NECAB2: variants seen among roughly 807,000 people sequenced by gnomAD.
NECAB2 encodes N-terminal EF-hand calcium binding protein 2, also known as N-terminal EF-hand calcium-binding protein 2.
NECAB2 carries 68 observed loss-of-function variants against 51.9 expected under a neutral mutation model. The observed-to-expected ratio is 1.31, with a 90% CI of 1.08 to 1.60. The LOEUF (loss-of-function observed/expected upper bound fraction) is 1.60, where lower values mean the gene tolerates loss of function less well. Among genes scored for constraint, NECAB2 ranks in the 40% most tolerant of loss-of-function variants. NECAB2 has a pLI of 0.00. For missense variants in NECAB2, 854 were observed against 490.3 expected, an observed-to-expected ratio of 1.74 and a Z score of -7.00; for synonymous variants, 329 against 203.5, an observed-to-expected ratio of 1.62 and a Z score of -5.25.
chr16:83,987,514 C>T (rs1015173256), intron 5 of NECAB2, among the ~76,000 whole-genome samples: 3 of 152,104 alleles, frequency 2.0e-5, no homozygotes, highest in African/African-American at 7.2e-5. Context: ...TCCCACTATC[C>T]CTAACCACTG....
At chr16:83,994,897 C>T (rs1014707011) in intron 8 of NECAB2, among the ~76,000 whole-genome samples, 6 of 152,106 alleles carry the variant, frequency 3.9e-5, no homozygotes, top group South Asian at 4.1e-4. Context: ...CAAGGAGGGG[C>T]GCCTGGGAAG....
rs912847744 is a variant in NECAB2, at chr16:83,985,636, A to G, written c.459+4509A>G. Among the ~76,000 whole-genome samples, 5 of 140,382 alleles carry G rather than the reference A, an allele frequency of 3.6e-5. No homozygotes were observed. In the South Asian group the frequency reaches 6.6e-4, roughly 19 times the overall value. 92.1% of individuals were successfully genotyped at this position (140,382 alleles called of 152,430 possible). ...CAACAAGAGTGAGTCTCCATCTCAG[A>G]AAAAAAAAAAAAAATTACTGTTGGC... is the stretch of plus-strand genomic sequence containing the variant. On this transcript the variant is annotated intron_variant, in intron 5 of 12. Coordinates refer to ENST00000305202, the MANE Select transcript of NECAB2 (RefSeq NM_019065.3).
At chr16:84,001,693 G>T (rs1344234869) in intron 11 of NECAB2, 132 bp from the exon 12 acceptor site, 15 of 897,246 alleles carry the variant, frequency 1.7e-5, no homozygotes, top group Admixed American at 2.2e-5. Flanking sequence ...TCCCACAAAG[G>T]CTCTGAGTCC....
chr16:83,973,048 A>G (rs1296794066), intron 2 of NECAB2, among the ~76,000 whole-genome samples: 1 of 152,206 alleles, frequency 6.6e-6, no homozygotes, highest in Non-Finnish European at 1.5e-5. Context: ...TTTTGGGGAA[A>G]AGCCAGAGAG....
At chr16:83,974,466 A>G (rs1416101879) in intron 2 of NECAB2, among the ~76,000 whole-genome samples, 1 of 152,138 alleles carries the variant, frequency 6.6e-6, no homozygotes, top group East Asian at 1.9e-4. Context: ...GCTTGTCCAG[A>G]GGGGTTTGAT....
rs2084861008 is a variant in NECAB2, at chr16:84,002,617, T to C, written c.*271T>C. 2 of 566,978 alleles carry C rather than the reference T, an allele frequency of 3.5e-6. No homozygotes were observed. The highest frequency in any genetic ancestry group is 6.3e-6 in the Non-Finnish European group (2 of 317,414). 35.1% of individuals were successfully genotyped at this position (566,978 alleles called of 1,614,324 possible). On this transcript the variant is annotated 3_prime_UTR_variant, in exon 13 of 13. Transcript: ENST00000305202. ...ACCCCTGCCTCCTGGTCCTGGCCTCTCCCCTACCCCTCACATGGCCACGCA... is the reference window on the plus strand; with the variant it reads ...ACCCCTGCCTCCTGGTCCTGGCCTCCCCCCTACCCCTCACATGGCCACGCA...
At chr16:83,999,917 A>ACAAATC (rs1567680431) in intron 10 of NECAB2, among the ~76,000 whole-genome samples, 3 of 152,224 alleles carry the variant, frequency 2.0e-5, no homozygotes, top group African/African-American at 7.2e-5. Flanking sequence ...ATCTTGCTTT[A>ACAAATC]TTGTCCAGGC....
chr16:83,978,626 C>A (rs189401085), intron 3 of NECAB2, 74 bp downstream of exon 3: 10 of 1,286,102 alleles, frequency 7.8e-6, no homozygotes, highest in East Asian at 7.0e-5. Context: ...ATCTAGTGTC[C>A]GTTCCTAGTC....
chr16:83,968,188 C>A (rs1026039099), upstream of NECAB2, among the ~76,000 whole-genome samples: 2 of 151,354 alleles, frequency 1.3e-5, no homozygotes, highest in African/African-American at 4.8e-5. Flanking sequence ...GCGCCGCTCC[C>A]CGGGGCTGGA....
intron 11 of NECAB2, among the ~76,000 whole-genome samples, chr16:84,001,167 C>A (rs866213763): frequency 6.6e-6 from 1 of 152,098 alleles, no homozygotes; most frequent in Non-Finnish European, 1.5e-5. Context: ...ATCAATTGTT[C>A]CAGCGACTAA....
chr16:83,983,765 G>A (rs948889666), intron 5 of NECAB2, among the ~76,000 whole-genome samples: 16 of 152,096 alleles, frequency 1.1e-4, no homozygotes, highest in African/African-American at 3.4e-4. Flanking sequence ...AGTGGAGATC[G>A]GATGATAGCT....
At chr16:83,985,070 T>C (rs918216564) in intron 5 of NECAB2, among the ~76,000 whole-genome samples, 2 of 152,104 alleles carry the variant, frequency 1.3e-5, no homozygotes, top group Non-Finnish European at 2.9e-5. Flanking sequence ...CCCAGTACTT[T>C]GGGAGGCCGG....
chr16:83,965,604 T>C (rs753438524), upstream of NECAB2: 2 of 1,612,952 alleles, frequency 1.2e-6, no homozygotes, highest in African/African-American at 1.3e-5. Flanking sequence ...CACCAGATGA[T>C]GCGGGAGCAG....
chr16:83,966,387 C>G, upstream of NECAB2: 1 of 246,444 alleles, frequency 4.1e-6, no homozygotes, highest in Non-Finnish European at 7.8e-6. Flanking sequence ...CGGAACCCTG[C>G]ACTGGGCTGG....
chr16:83,981,190 C>T (rs2084485257), intron 5 of NECAB2, 63 bp downstream of exon 5: 1 of 1,438,416 alleles, frequency 7.0e-7, no homozygotes, highest in Non-Finnish European at 9.7e-7. Context: ...TCCACCCTTG[C>T]CTAAGGATGC....
At chr16:83,998,849 C>T (rs184128709) in intron 10 of NECAB2, among the ~76,000 whole-genome samples, 6 of 152,308 alleles carry the variant, frequency 3.9e-5, no homozygotes, top group African/African-American at 4.8e-5. Flanking sequence ...GCGGCCTTAC[C>T]TTCAAATTCC....
intron 10 of NECAB2, 143 bp downstream of exon 10, chr16:83,998,460 T>A: frequency 1.3e-6 from 1 of 755,898 alleles, no homozygotes; most frequent in South Asian, 1.8e-5. Context: ...AAGAAGTGGG[T>A]TCAGGTCTCT....
chr16:83,974,906 G>A (rs2084388819), intron 2 of NECAB2, among the ~76,000 whole-genome samples: 1 of 142,166 alleles, frequency 7.0e-6, no homozygotes. Context: ...AGGTGTGCAG[G>A]GAGGCGTGGG....
At chr16:83,965,408 G>C, upstream of NECAB2, 2 of 1,577,650 alleles carry the variant, frequency 1.3e-6, no homozygotes, top group Non-Finnish European at 1.7e-6. Flanking sequence ...CACAAGGGTG[G>C]GTGCGGTGAC....
Sources: allele counts gnomAD v4.1 joint callset (sites outside exome capture counted in the v4.1 genomes callset), GRCh38; gene constraint gnomAD v4.1.1; transcripts MANE v1.5; gene names NCBI Gene and HGNC (gene_info 2026-07-23, HGNC 2026-07-21).